KAT6A: variants seen among roughly 807,000 people sequenced by gnomAD.
The protein encoded by KAT6A is histone acetyltransferase KAT6A.
In KAT6A, 9 loss-of-function variants were observed where a neutral mutation model predicts 198.4. That is an observed-to-expected ratio of 0.05 (90% CI 0.03 to 0.08). KAT6A has a LOEUF of 0.08. Among genes scored for constraint, KAT6A ranks in the 10% least tolerant of loss-of-function variants. The probability of loss-of-function intolerance (pLI) is 1.00; values close to 1 mark genes in which losing one functional copy is unlikely to be tolerated. For synonymous variants in KAT6A, 890 were observed against 883.0 expected (o/e 1.01, Z -0.14); for missense variants, 2,077 against 2,509.9 (o/e 0.83, Z 3.69).
intron 13 of KAT6A, among the ~76,000 whole-genome samples, chr8:41,943,509 T>A (rs1167873145): frequency 6.6e-6 from 1 of 152,080 alleles, no homozygotes; most frequent in African/African-American, 2.4e-5. Context: ...GTAGCTTAGG[T>A]CCAAAAATTA....
chr8:41,931,825 A>G lies in KAT6A; in HGVS notation c.*380T>C. ...TAAAAATGACAACATTGGGAGCTGC[A>G]AACAGTGAGGGGAAACATACATTTT... On this transcript the variant is annotated 3_prime_UTR_variant, in exon 17 of 17. Coordinates refer to ENST00000265713, the MANE Select transcript of KAT6A (RefSeq NM_006766.5). 2 of 217,186 alleles carry G rather than the reference A, an allele frequency of 9.2e-6. No homozygotes were observed. Among genetic ancestry groups the G allele is most frequent in the Non-Finnish European group, 1.9e-5 (2 of 107,854 alleles). The allele number at this position is 217,186 out of a possible 1,614,324, so 13.5% of individuals were successfully genotyped here. A position where few individuals can be genotyped will look rare whatever the true frequency, so the allele number is the denominator to read the frequency against.
Position 41,930,012 on chromosome 8 carries a change from A to G in KAT6A, c.*2193T>C, listed in dbSNP as rs955047978. 3.1e-5 allele frequency: 7 copies of G among 223,422 alleles called. No individual in the cohort carries two copies. The highest frequency in any genetic ancestry group is 4.5e-5 in the African/African-American group (2 of 44,764). 13.8% of individuals were successfully genotyped at this position (223,422 alleles called of 1,614,324 possible). ...AGAAGTGAAAAAATGACAGGTACCAATATTACTGTGTTGGATAATTTCTTT... is the reference window on the plus strand; with the variant it reads ...AGAAGTGAAAAAATGACAGGTACCAGTATTACTGTGTTGGATAATTTCTTT... On this transcript the variant is annotated 3_prime_UTR_variant, in exon 17 of 17. Transcript: ENST00000265713.
chr8:41,983,878 T>C (rs1408180360), intron 3 of KAT6A, among the ~76,000 whole-genome samples: 3 of 152,232 alleles, frequency 2.0e-5, no homozygotes, highest in Non-Finnish European at 4.4e-5. Context: ...ACTACTTGAG[T>C]AAAACACTTT....
chr8:42,022,921 G>T (rs989605970), intron 2 of KAT6A, among the ~76,000 whole-genome samples: 12 of 152,138 alleles, frequency 7.9e-5, no homozygotes, highest in African/African-American at 2.7e-4. Flanking sequence ...GCTTAATGAT[G>T]GGGATTCATG....
chr8:42,021,187 C>T (rs1429032574), intron 2 of KAT6A, among the ~76,000 whole-genome samples: 5 of 152,172 alleles, frequency 3.3e-5, no homozygotes, highest in Admixed American at 6.5e-5. Context: ...GATTATAAAA[C>T]GTGACAAATG....
At position 41,942,929 on chromosome 8, in the gene KAT6A, A is replaced by T. The variant is rs1387287634; in HGVS notation, c.2300T>A (p.Val767Glu). Residue 767 changes from valine (V) to glutamate (E), a missense_variant, in exon 14 of 17, where the codon GTA becomes GAA. By Grantham distance (121) the Val-to-Glu change is moderately radical. Around this residue, in one of 13 missense-constraint regions of KAT6A, gnomAD observed 127 missense variants for 209.6 expected, o/e 0.61. Coordinates refer to ENST00000265713, the MANE Select transcript of KAT6A (RefSeq NM_006766.5). ...GCGCAAACATTCTGGATCTACATCT[A>T]CAGGTCGCAAATTCAGCTGAAGCTT... ...MAKLQLNLRP[V>E]DVDPECLRWT... The T allele has an allele frequency of 6.2e-7, 1 of 1,614,184 alleles. No individual in the cohort carries two copies. Among genetic ancestry groups the T allele is most frequent in the Admixed American group, 1.7e-5 (1 of 60,024 alleles).
chr8:42,038,218 C>G (rs1414390067), intron 2 of KAT6A, among the ~76,000 whole-genome samples: 1 of 152,102 alleles, frequency 6.6e-6, no homozygotes, highest in Non-Finnish European at 1.5e-5. Context: ...TCCCAAAACT[C>G]AAGGAGTACT....
intron 2 of KAT6A, among the ~76,000 whole-genome samples, chr8:42,017,398 A>G (rs1340207683): frequency 6.6e-6 from 1 of 152,246 alleles, no homozygotes; most frequent in Non-Finnish European, 1.5e-5. Flanking sequence ...TACAGGGAGA[A>G]AAACGTCATA....
intron 14 of KAT6A, chr8:41,942,347 A>G (rs1029543775): frequency 8.3e-6 from 2 of 239,982 alleles, no homozygotes; most frequent in Admixed American, 1.0e-4. Context: ...GGGTCTCACT[A>G]TATTTCCCTG....
intron 2 of KAT6A, among the ~76,000 whole-genome samples, chr8:42,044,348 C>T (rs200339202): frequency 9.2e-5 from 14 of 152,046 alleles, no homozygotes; most frequent in East Asian, 1.9e-4. Context: ...ATCCACCCCC[C>T]CCTCGGCATC....
chr8:41,997,021 G>C (rs572409429), intron 2 of KAT6A, among the ~76,000 whole-genome samples: 1 of 152,216 alleles, frequency 6.6e-6, no homozygotes, highest in East Asian at 1.9e-4. Flanking sequence ...AAAGGCCATG[G>C]GAAGTGGAGA....
intron 14 of KAT6A, chr8:41,942,504 T>C (rs1225500949): frequency 7.6e-6 from 3 of 392,392 alleles, no homozygotes; most frequent in Non-Finnish European, 1.4e-5. Context: ...TCAACTACTA[T>C]CCAGCTTAAA....
intron 12 of KAT6A, among the ~76,000 whole-genome samples, 167 bp downstream of exon 12, chr8:41,946,424 T>C (rs1418199153): frequency 1.2e-4 from 18 of 149,694 alleles, no homozygotes. Flanking sequence ...TTTTAAAGAA[T>C]CATATAGCTA....
chr8:41,950,465 C>A (rs1033831180), intron 9 of KAT6A, among the ~76,000 whole-genome samples: 2 of 152,176 alleles, frequency 1.3e-5, no homozygotes, highest in African/African-American at 4.8e-5. Context: ...GCACCTCCCT[C>A]CCTAACTGTT....
Position 41,942,781 on chromosome 8 carries a change from T to G in KAT6A, c.2436+12A>C, listed in dbSNP as rs757994102. ...TTCTGTCATCAAAAATAGAGACTAT[T>G]CATGCCCTTACACTGATCTCTAATT... is the stretch of plus-strand genomic sequence containing the variant. On this transcript the variant is annotated intron_variant, in intron 14 of 16. Coordinates refer to ENST00000265713, the MANE Select transcript of KAT6A (RefSeq NM_006766.5). 2 of 1,613,772 alleles carry G rather than the reference T, an allele frequency of 1.2e-6. No homozygotes were observed. The highest frequency in any genetic ancestry group is 2.2e-5 in the South Asian group (2 of 91,040).
chr8:42,020,057 CT>C (rs1035527293), intron 2 of KAT6A, among the ~76,000 whole-genome samples: 2 of 152,146 alleles, frequency 1.3e-5, no homozygotes, highest in Non-Finnish European at 2.9e-5. Context: ...TAATTACCTT[CT>C]TTTTTTAAAT....
intron 8 of KAT6A, 138 bp from the exon 9 acceptor site, chr8:41,955,549 T>C (rs1822880616): frequency 5.1e-6 from 3 of 591,286 alleles, no homozygotes; most frequent in Non-Finnish European, 8.9e-6. Context: ...CAAGCTAACA[T>C]ATTTTGAAAT....
rs545037697 is a variant in KAT6A, at chr8:41,950,710, T to C, written c.1599-1347A>G. On this transcript the variant is annotated intron_variant, in intron 9 of 16. Transcript: ENST00000265713. ...ACAGACCATGAAGCTTTCCAAATTA[T>C]GGTAAAGATAAATGCCAACTTTAAG... 6.6e-5 allele frequency among the ~76,000 whole-genome samples: 10 copies of C among 152,312 alleles called. No homozygotes were observed. The South Asian group carries it at 2.1e-3, about 32-fold the overall frequency.
intron 12 of KAT6A, 57 bp downstream of exon 12, chr8:41,946,534 A>ACACATACACG: frequency 1.2e-6 from 1 of 857,188 alleles, no homozygotes; most frequent in Non-Finnish European, 2.0e-6. Flanking sequence ...ACACACACAC[A>ACACATACACG]CACACACAGA....
Sources: gnomAD v4.1 joint callset for allele counts (sites outside exome capture counted in the v4.1 genomes callset) on GRCh38, gnomAD v4.1.1 for gene constraint, gnomAD v4.1.1 regional missense constraint, MANE v1.5 for transcripts, NCBI Gene and HGNC (gene_info 2026-07-23, HGNC 2026-07-21) for gene names.